ZSWIM5: variants seen among roughly 807,000 people sequenced by gnomAD.
ZSWIM5 encodes zinc finger SWIM-type containing 5, also known as zinc finger SWIM domain-containing protein 5.
A neutral mutation model predicts 119.6 loss-of-function variants in ZSWIM5; 55 were observed. The ratio of observed to expected loss-of-function variants is 0.46; its 90% CI spans 0.37 to 0.58. The LOEUF is 0.58. ZSWIM5 is among the 20% of genes least tolerant of loss of function. ZSWIM5 has a pLI of 0.00. For synonymous variants in ZSWIM5, 537 were observed against 606.9 expected, an observed-to-expected ratio of 0.88 and a Z score of 1.69; for missense variants, 1,193 against 1,512.8, an observed-to-expected ratio of 0.79 and a Z score of 3.51.
intron 1 of ZSWIM5, among the ~76,000 whole-genome samples, chr1:45,169,442 T>C (rs938488071): frequency 3.3e-5 from 5 of 151,944 alleles, no homozygotes; most frequent in Non-Finnish European, 5.9e-5. Flanking sequence ...GATATGTAAC[T>C]TAATCAAGAC....
chr1:45,018,773 C>T lies in ZSWIM5; in HGVS notation c.3239G>A (p.Arg1080His), dbSNP rs753767249. Residue 1080 changes from arginine to histidine, a missense_variant, in exon 14 of 14, where the codon CGC (arginine) becomes CAC (histidine). Physicochemically the swap from Arg to His is conservative, Grantham distance 29. Around this residue, in one of 2 missense-constraint regions of ZSWIM5, gnomAD observed 961 missense variants for 1,290.0 expected, o/e 0.74. Transcript: ENST00000359600. The surrounding 1 kb of genome is among the most constrained non-coding windows in gnomAD (Gnocchi z 6.7). Reference protein sequence around the residue: ...CATVLSDILRRCTVTAPGLAG... With the variant: ...CATVLSDILRHCTVTAPGLAG... ...CAGGCCAGGTGCAGTCACTGTGCAG[C>T]GTCGTAAGATGTCTGAAAGCACTGT... 3 of 1,614,208 alleles carry T rather than the reference C, an allele frequency of 1.9e-6. No homozygotes were observed. Among genetic ancestry groups the T allele is most frequent in the South Asian group, 2.2e-5 (2 of 91,090 alleles).
chr1:45,029,088 C>T (rs1644937283), intron 11 of ZSWIM5, among the ~76,000 whole-genome samples: 1 of 152,220 alleles, frequency 6.6e-6, no homozygotes, highest in Admixed American at 6.5e-5. Flanking sequence ...TACAAAGACA[C>T]TCTCCTACAC....
At chr1:45,023,501 TC>T (rs1644900600) in intron 11 of ZSWIM5, among the ~76,000 whole-genome samples, 2 of 32,392 alleles carry the variant, frequency 6.2e-5, no homozygotes, top group Non-Finnish European at 1.9e-4. Flanking sequence ...AACTTCCATG[TC>T]TCTTTTTTTT....
At chr1:45,163,616 A>T (rs185231171) in intron 1 of ZSWIM5, among the ~76,000 whole-genome samples, 1 of 152,370 alleles carries the variant, frequency 6.6e-6, no homozygotes, top group Non-Finnish European at 1.5e-5. Context: ...TAAACAGCAT[A>T]GAGAAGACCT....
rs1178183112 is a variant in ZSWIM5 at position 45,205,773 on chromosome 1, T to A, written c.578A>T (p.Glu193Val). 7 of 1,567,146 alleles carry A rather than the reference T, an allele frequency of 4.5e-6. No individual in the cohort carries two copies. The highest frequency in any genetic ancestry group is 5.2e-6 in the Non-Finnish European group (6 of 1,161,428). ...GIRLLDSGSV[E>V]NVLQVGFHLS... The stretch of plus-strand genomic sequence containing the variant: ...GCACATACCGACTTGCAGCACGTTC[T>A]CCACGGAGCCGCTGTCCAGCAGACG... Residue 193 changes from glutamate to valine, a missense_variant, in exon 1 of 14, where the codon GAG becomes GTG. Glu to Val is a moderately radical substitution (Grantham distance 121). Around this residue, in one of 2 missense-constraint regions of ZSWIM5, gnomAD observed 961 missense variants for 1,290.0 expected, o/e 0.74. Transcript: ENST00000359600.
At chr1:45,051,276 T>G (rs1318393825) in intron 4 of ZSWIM5, 23 bp from the exon 5 acceptor site, 17 of 1,606,700 alleles carry the variant, frequency 1.1e-5, no homozygotes, top group Non-Finnish European at 1.4e-5. Context: ...GCAACCCATA[T>G]TCTTAACATC....
chr1:45,193,839 C>T (rs540035483), intron 1 of ZSWIM5, among the ~76,000 whole-genome samples: 2 of 151,994 alleles, frequency 1.3e-5, no homozygotes, highest in African/African-American at 2.4e-5. Context: ...AAGTAGGTAC[C>T]ATCATTTTGC....
intron 4 of ZSWIM5, among the ~76,000 whole-genome samples, chr1:45,051,947 G>C (rs1451051309): frequency 2.0e-5 from 3 of 151,420 alleles, no homozygotes; most frequent in Non-Finnish European, 4.4e-5. Context: ...ATTTGGACTT[G>C]GATTTTCAAA....
intron 1 of ZSWIM5, among the ~76,000 whole-genome samples, chr1:45,176,140 A>G (rs1645979786): frequency 6.7e-6 from 1 of 148,416 alleles, no homozygotes; most frequent in South Asian, 2.1e-4. Flanking sequence ...TGCCATATAT[A>G]TATATAATAT....
At position 45,043,370 on chromosome 1, in the gene ZSWIM5, T is replaced by C. The variant is rs1339150701; in HGVS notation, c.1458A>G (p.Thr486=). 2 of 1,614,118 alleles carry C rather than the reference T, an allele frequency of 1.2e-6. No individual in the cohort carries two copies. Among genetic ancestry groups the C allele is most frequent in the African/African-American group, 2.7e-5 (2 of 74,958 alleles). Residue 486 remains threonine (T), a synonymous_variant, in exon 6 of 14, where the codon ACA becomes ACG. Coordinates refer to ENST00000359600, the MANE Select transcript of ZSWIM5 (RefSeq NM_020883.2). Reference sequence around the variant, plus strand: ...GCCCCTCAATGGCTCTAGTGAATACTGTTCGTCTTGGTCTGGATAAGGAGT... The same window carrying C: ...GCCCCTCAATGGCTCTAGTGAATACCGTTCGTCTTGGTCTGGATAAGGAGT... The part of the protein sequence containing the change: ...SPDSLSRPRR[T]VFTRAIEGRE...
intron 11 of ZSWIM5, among the ~76,000 whole-genome samples, chr1:45,021,444 G>A (rs934371532): frequency 2.0e-5 from 3 of 152,152 alleles, no homozygotes; most frequent in African/African-American, 4.8e-5. Context: ...AAAAAGGAGC[G>A]GGGCCACCAC....
At chr1:45,089,238 T>C (rs558579765) in intron 1 of ZSWIM5, among the ~76,000 whole-genome samples, 8 of 152,306 alleles carry the variant, frequency 5.3e-5, no homozygotes, top group African/African-American at 1.9e-4. Flanking sequence ...TGGCTCAGCC[T>C]CCCAAAGTGC....
chr1:45,169,209 T>C (rs1311765133), intron 1 of ZSWIM5, among the ~76,000 whole-genome samples: 1 of 151,860 alleles, frequency 6.6e-6, no homozygotes, highest in African/African-American at 2.4e-5. Flanking sequence ...CATTTCCCTA[T>C]GTATCTAAGC....
chr1:45,024,495 T>G (rs1294127296), intron 11 of ZSWIM5, among the ~76,000 whole-genome samples: 1 of 150,010 alleles, frequency 6.7e-6, no homozygotes, highest in Non-Finnish European at 1.5e-5. Context: ...CCCGGCCTCT[T>G]TACAGTTTTT....
At chr1:45,091,684 AAAC>A (rs1251695175) in intron 1 of ZSWIM5, among the ~76,000 whole-genome samples, 1 of 151,878 alleles carries the variant, frequency 6.6e-6, no homozygotes, top group Non-Finnish European at 1.5e-5. Context: ...AACAAACAAA[AAAC>A]AACCAACCAA....
chr1:45,058,630 T>G lies in ZSWIM5; in HGVS notation c.1231A>C (p.Arg411=). The G allele has an allele frequency of 6.2e-7, 1 of 1,614,258 alleles. No homozygotes were observed. Among genetic ancestry groups the G allele is most frequent in the Non-Finnish European group, 8.5e-7 (1 of 1,180,044 alleles). ...QQGTNMTDKC[R]QLWDELGALW... The stretch of plus-strand genomic sequence containing the variant: ...TTACCTAGCTCATCCCAGAGCTGCC[T>G]GCACTTGTCTGTCATGTTTGTTCCT... Residue 411 remains arginine (R), a synonymous_variant, in exon 4 of 14, where the codon AGG becomes CGG. Coordinates refer to ENST00000359600, the MANE Select transcript of ZSWIM5 (RefSeq NM_020883.2).
intron 5 of ZSWIM5, 122 bp from the exon 6 acceptor site, chr1:45,043,517 A>C: frequency 1.0e-6 from 1 of 953,128 alleles, no homozygotes; most frequent in Non-Finnish European, 1.6e-6. Flanking sequence ...CTCTGGCAGC[A>C]GTATTGAGAA....
Position 45,191,706 on chromosome 1 carries a change from A to G in ZSWIM5, c.595+14050T>C, listed in dbSNP as rs182513335. On this transcript the variant is annotated intron_variant, in intron 1 of 13. Coordinates refer to ENST00000359600, the MANE Select transcript of ZSWIM5 (RefSeq NM_020883.2). ...AACTTGTCCAAGGTTACACAGCTAG[A>G]AAGTGGCAGAACTGGGATTTGGGCC... Among the ~76,000 whole-genome samples, 58 of 152,322 alleles carry G rather than the reference A, an allele frequency of 3.8e-4. 1 individual carries two copies. The East Asian group carries it at 0.01, about 27-fold the overall frequency.
intron 1 of ZSWIM5, among the ~76,000 whole-genome samples, chr1:45,193,919 T>C (rs1200305342): frequency 6.6e-6 from 1 of 151,492 alleles, no homozygotes; most frequent in Non-Finnish European, 1.5e-5. Flanking sequence ...TACGTATGTG[T>C]ACATATGTGT....
Sources: gnomAD v4.1 joint callset for allele counts (sites outside exome capture counted in the v4.1 genomes callset) on GRCh38, gnomAD v4.1.1 for gene constraint, gnomAD v4.1.1 regional missense constraint, Gnocchi (gnomAD v3.1) non-coding constraint, MANE v1.5 for transcripts, NCBI Gene and HGNC (gene_info 2026-07-23, HGNC 2026-07-21) for gene names.